Variants in FYN observed in about 807,000 individuals in gnomAD.
FYN encodes FYN proto-oncogene, Src family tyrosine kinase, also known as tyrosine-protein kinase Fyn.
A neutral mutation model predicts 70.2 loss-of-function variants in FYN; 10 were observed. The observed-to-expected ratio is 0.14, with a 90% CI of 0.09 to 0.24. The LOEUF is 0.24. FYN is among the 10% of genes least tolerant of loss of function. The pLI, the probability that FYN is intolerant of heterozygous loss-of-function variation, is 1.00. For synonymous variants in FYN, 236 were observed against 248.6 expected (o/e 0.95, Z 0.48); for missense variants, 319 against 673.1 (o/e 0.47, Z 5.82).
At chr6:111,853,066 T>C (rs561690157) in intron 1 of FYN, among the ~76,000 whole-genome samples, 1 of 152,160 alleles carries the variant, frequency 6.6e-6, no homozygotes, top group South Asian at 2.1e-4. Flanking sequence ...GCATGTCAGT[T>C]TTCCCCAAAT....
At chr6:111,707,576 G>A (rs774918223) in intron 6 of FYN, among the ~76,000 whole-genome samples, 3 of 152,172 alleles carry the variant, frequency 2.0e-5, no homozygotes, top group African/African-American at 4.8e-5. Flanking sequence ...CCAACAGAGG[G>A]AGTGGACTGC....
At chr6:111,794,185 C>A (rs551875428) in intron 2 of FYN, among the ~76,000 whole-genome samples, 59 of 152,346 alleles carry the variant, frequency 3.9e-4, no homozygotes, top group African/African-American at 1.3e-3. Context: ...CAAAGGAGAG[C>A]CCTCCTTAAA....
Position 111,683,479 on chromosome 6 carries a change from A to G in FYN, c.1274-8849T>C, listed in dbSNP as rs187175917. 9.8e-5 allele frequency among the ~76,000 whole-genome samples: 15 copies of G among 152,304 alleles called. No homozygotes were observed. In the East Asian group the frequency reaches 2.5e-3, roughly 26 times the overall value. ...TCCCCTCTGGCTAAAAAACTAGGCC[A>G]AGGTGGAGAAGGTGAAGTCAGTATT... On this transcript the variant is annotated intron_variant, in intron 12 of 13. Coordinates refer to ENST00000354650, the MANE Select transcript of FYN (RefSeq NM_002037.5).
At chr6:111,773,416 T>G (rs1348594226) in intron 3 of FYN, among the ~76,000 whole-genome samples, 20 of 2,452 alleles carry the variant, frequency 8.2e-3, no homozygotes, top group Admixed American at 0.011. Context: ...GGGGGTAGAG[T>G]GAGCGGGAGA....
At chr6:111,678,769 T>C (rs1798659046) in intron 12 of FYN, among the ~76,000 whole-genome samples, 1 of 152,180 alleles carries the variant, frequency 6.6e-6, no homozygotes. Context: ...CTGAGAATCA[T>C]CCTCACCTGG....
chr6:111,716,511 C>CT (rs1398945470), intron 4 of FYN, among the ~76,000 whole-genome samples: 4 of 152,086 alleles, frequency 2.6e-5, no homozygotes, highest in African/African-American at 9.7e-5. Flanking sequence ...AAACCTGGGT[C>CT]TCCCACTAGT....
intron 2 of FYN, among the ~76,000 whole-genome samples, chr6:111,822,869 A>T (rs986049372): frequency 6.6e-6 from 1 of 152,106 alleles, no homozygotes; most frequent in African/African-American, 2.4e-5. Context: ...TCAAAGAGGC[A>T]GAGGAGCATG....
chr6:111,843,858 G>A (rs754237463), intron 2 of FYN, among the ~76,000 whole-genome samples: 20 of 152,142 alleles, frequency 1.3e-4, no homozygotes, highest in Non-Finnish European at 2.2e-4. Context: ...AGCGGCCGTG[G>A]CGATAGGGCA....
chr6:111,725,583 G>T (rs1329567007), intron 3 of FYN, among the ~76,000 whole-genome samples: 2 of 152,216 alleles, frequency 1.3e-5, no homozygotes, highest in Non-Finnish European at 2.9e-5. Flanking sequence ...AGTCACTGCT[G>T]GGTTGGCCCT....
intron 2 of FYN, among the ~76,000 whole-genome samples, chr6:111,841,260 T>A (rs1420762951): frequency 1.3e-5 from 2 of 152,222 alleles, no homozygotes; most frequent in Non-Finnish European, 2.9e-5. Flanking sequence ...GATTCTCTTT[T>A]CAAGGTTTCC....
chr6:111,812,598 AT>A (rs1772360707), intron 2 of FYN, among the ~76,000 whole-genome samples: 1 of 136,752 alleles, frequency 7.3e-6, no homozygotes, highest in Non-Finnish European at 1.6e-5. Flanking sequence ...TAAATCAGAA[AT>A]TTTCCTTTTT....
At chr6:111,855,694 G>C (rs562883988) in intron 1 of FYN, among the ~76,000 whole-genome samples, 2 of 152,144 alleles carry the variant, frequency 1.3e-5, no homozygotes, top group Non-Finnish European at 2.9e-5. Context: ...CGGTATCATA[G>C]ACAAGTCCTT....
chr6:111,713,655 G>A (rs989380389), intron 5 of FYN, among the ~76,000 whole-genome samples: 2 of 152,082 alleles, frequency 1.3e-5, no homozygotes, highest in African/African-American at 2.4e-5. Flanking sequence ...TCTGACCCGT[G>A]TTTACTCTTC....
intron 12 of FYN, among the ~76,000 whole-genome samples, chr6:111,684,115 C>A (rs1177971855): frequency 6.6e-6 from 1 of 152,166 alleles, no homozygotes; most frequent in Non-Finnish European, 1.5e-5. Context: ...TCTGAAATTT[C>A]ATAATGTTGA....
chr6:111,810,403 C>T (rs1231691700), intron 2 of FYN, among the ~76,000 whole-genome samples: 1 of 152,152 alleles, frequency 6.6e-6, no homozygotes, highest in South Asian at 2.1e-4. Context: ...TGTGAATCCA[C>T]TTGATGTCGG....
intron 2 of FYN, among the ~76,000 whole-genome samples, chr6:111,810,629 A>G (rs1356674453): frequency 6.6e-6 from 1 of 152,150 alleles, no homozygotes. Flanking sequence ...CAACCAATGT[A>G]TGCTGTCTTT....
At position 111,782,514 on chromosome 6, in the gene FYN, ATGT is replaced by A. The variant is rs377617716; in HGVS notation, c.-81-1882_-81-1880del. 5.6e-4 allele frequency among the ~76,000 whole-genome samples: 85 copies of A among 152,286 alleles called. No homozygotes were observed. The East Asian group carries it at 0.016, about 28-fold the overall frequency. ...TAAATTACTGAAGTTAGGCAACACA[ATGT>A]TGTCTTGTTTAATACTTCTCTTTTG... On this transcript the variant is annotated intron_variant, in intron 2 of 13. Transcript: ENST00000354650.
chr6:111,686,385 T>A (rs1228978077), intron 12 of FYN, among the ~76,000 whole-genome samples: 2 of 152,160 alleles, frequency 1.3e-5, no homozygotes, highest in African/African-American at 4.8e-5. Flanking sequence ...GGGAAAGCCG[T>A]GTCTGACCTC....
At chr6:111,685,609 T>C (rs959519741) in intron 12 of FYN, among the ~76,000 whole-genome samples, 2 of 152,210 alleles carry the variant, frequency 1.3e-5, no homozygotes, top group Non-Finnish European at 2.9e-5. Flanking sequence ...ATGCAGGAGT[T>C]CCTTTTGCCA....
Sources: gnomAD v4.1 joint callset for allele counts (sites outside exome capture counted in the v4.1 genomes callset) on GRCh38, gnomAD v4.1.1 for gene constraint, MANE v1.5 for transcripts, NCBI Gene and HGNC (gene_info 2026-07-23, HGNC 2026-07-21) for gene names.